EPHA7: variants seen among roughly 807,000 people sequenced by gnomAD.
The protein encoded by EPHA7 is ephrin type-A receptor 7.
A neutral mutation model predicts 112.6 loss-of-function variants in EPHA7; 25 were observed. The ratio of observed to expected loss-of-function variants is 0.22; its 90% CI spans 0.16 to 0.31. EPHA7 has a LOEUF of 0.31. Among genes scored for constraint, EPHA7 ranks in the 10% least tolerant of loss-of-function variants. EPHA7 has a pLI of 1.00. For synonymous variants in EPHA7, 437 were observed against 406.5 expected (o/e 1.07, Z -0.90); for missense variants, 962 against 1,212.6 (o/e 0.79, Z 3.07).
At chr6:93,331,486 C>T (rs1774591780) in intron 5 of EPHA7, among the ~76,000 whole-genome samples, 1 of 150,894 alleles carries the variant, frequency 6.6e-6, no homozygotes, top group South Asian at 2.1e-4. Context: ...AAAAACCAAA[C>T]CTAGACATGA....
intron 3 of EPHA7, among the ~76,000 whole-genome samples, chr6:93,406,239 A>C (rs2127991939): frequency 6.6e-6 from 1 of 151,820 alleles, no homozygotes; most frequent in African/African-American, 2.4e-5. Context: ...CAAGTAAATC[A>C]CATTTCTATA....
chr6:93,321,744 A>G (rs910589276), intron 5 of EPHA7, among the ~76,000 whole-genome samples: 2 of 151,848 alleles, frequency 1.3e-5, no homozygotes, highest in Admixed American at 1.3e-4. Context: ...ACACAACTCC[A>G]CACTGCATCA....
intron 5 of EPHA7, among the ~76,000 whole-genome samples, chr6:93,336,934 C>A (rs756490809): frequency 6.6e-6 from 1 of 150,748 alleles, no homozygotes; most frequent in South Asian, 2.1e-4. Flanking sequence ...TATCAGCCAA[C>A]CTATTCCTTT....
intron 7 of EPHA7, among the ~76,000 whole-genome samples, chr6:93,265,396 C>T (rs566807350): frequency 6.6e-6 from 1 of 151,768 alleles, no homozygotes; most frequent in Admixed American, 6.6e-5. Context: ...CTATACAATA[C>T]TAAATAATTC....
intron 5 of EPHA7, among the ~76,000 whole-genome samples, chr6:93,323,718 C>T (rs557269803): frequency 6.6e-6 from 1 of 151,536 alleles, no homozygotes; most frequent in Admixed American, 6.6e-5. Flanking sequence ...ACTGATCATA[C>T]TGGCTTTCAT....
intron 3 of EPHA7, among the ~76,000 whole-genome samples, chr6:93,398,014 C>G (rs1380326389): frequency 6.6e-6 from 1 of 151,802 alleles, no homozygotes; most frequent in East Asian, 1.9e-4. Context: ...TAGTTTTTGT[C>G]TCTGCAACAG....
intron 5 of EPHA7, among the ~76,000 whole-genome samples, chr6:93,322,357 T>C (rs1284651220): frequency 1.3e-5 from 2 of 151,718 alleles, no homozygotes; most frequent in African/African-American, 4.8e-5. Context: ...AACAAAAACT[T>C]AGAGGGAAAT....
chr6:93,390,472 T>C (rs1237210498), intron 3 of EPHA7, among the ~76,000 whole-genome samples: 2 of 151,642 alleles, frequency 1.3e-5, no homozygotes, highest in African/African-American at 4.8e-5. Context: ...ATTGTGTTTA[T>C]GTAAGAGAAC....
intron 14 of EPHA7, among the ~76,000 whole-genome samples, chr6:93,247,586 A>G (rs1770011210): frequency 6.6e-6 from 1 of 152,232 alleles, no homozygotes; most frequent in African/African-American, 2.4e-5. Flanking sequence ...AAGTTCCCTT[A>G]CCTTACACTG....
At position 93,254,726 on chromosome 6, in the gene EPHA7, T is replaced by A. The variant is rs1433933397; in HGVS notation, c.2453A>T (p.Asp818Val). Reference sequence around the variant, plus strand: ...CATGACTATTCCATAGCTCCATACATCACTGGCTGATGTGAATTTCCGGTA... The same window carrying A: ...CATGACTATTCCATAGCTCCATACAACACTGGCTGATGTGAATTTCCGGTA... ...IQYRKFTSAS[D>V]VWSYGIVMWE... Residue 818 changes from aspartate (D) to valine (V), a missense_variant, in exon 14 of 17, where the codon GAT becomes GTT. Around this residue, in one of 3 missense-constraint regions of EPHA7, gnomAD observed 746 missense variants for 889.2 expected, o/e 0.84. Transcript: ENST00000369303. 1 of 1,613,756 alleles carries A rather than the reference T, an allele frequency of 6.2e-7. No homozygotes were observed. Among genetic ancestry groups the A allele is most frequent in the Admixed American group, 1.7e-5 (1 of 60,006 alleles).
chr6:93,320,402 T>C (rs1207579922), intron 5 of EPHA7, among the ~76,000 whole-genome samples: 1 of 152,052 alleles, frequency 6.6e-6, no homozygotes, highest in Non-Finnish European at 1.5e-5. Context: ...AAATTAACAT[T>C]ACATTACAAT....
At chr6:93,360,860 C>G (rs564102343) in intron 3 of EPHA7, among the ~76,000 whole-genome samples, 1 of 152,120 alleles carries the variant, frequency 6.6e-6, no homozygotes, top group Non-Finnish European at 1.5e-5. Context: ...ACTACTGACA[C>G]TCAGCCTTAT....
intron 5 of EPHA7, among the ~76,000 whole-genome samples, chr6:93,346,947 C>T (rs1159361925): frequency 1.2e-4 from 18 of 151,710 alleles, no homozygotes; most frequent in Non-Finnish European, 1.8e-4. Context: ...ACTACATAAA[C>T]TCGCAATTGC....
At chr6:93,282,976 G>C (rs377089108) in intron 5 of EPHA7, among the ~76,000 whole-genome samples, 2 of 152,314 alleles carry the variant, frequency 1.3e-5, no homozygotes, top group Admixed American at 6.5e-5. Context: ...GACCACCCAA[G>C]GGCTGAGGAG....
intron 5 of EPHA7, among the ~76,000 whole-genome samples, chr6:93,335,477 A>G (rs1295713820): frequency 6.6e-6 from 1 of 152,044 alleles, no homozygotes; most frequent in Non-Finnish European, 1.5e-5. Context: ...TCTCAGTATC[A>G]TTAAGGACAT....
chr6:93,299,363 A>T (rs1772850269), intron 5 of EPHA7, among the ~76,000 whole-genome samples: 1 of 151,632 alleles, frequency 6.6e-6, no homozygotes, highest in African/African-American at 2.4e-5. Flanking sequence ...TAAAGAAAAA[A>T]AAAAGAAGAA....
chr6:93,313,876 C>T (rs1773659629), intron 5 of EPHA7, among the ~76,000 whole-genome samples: 1 of 152,010 alleles, frequency 6.6e-6, no homozygotes, highest in South Asian at 2.1e-4. Context: ...AGTACCATGG[C>T]CTAGTACTAA....
intron 14 of EPHA7, among the ~76,000 whole-genome samples, chr6:93,253,469 T>TGA (rs1770305689): frequency 6.6e-6 from 1 of 152,056 alleles, no homozygotes; most frequent in Admixed American, 6.6e-5. Context: ...TAAATGTTAG[T>TGA]TGTCTAAAAA....
Position 93,352,215 on chromosome 6 carries a change from C to A in EPHA7, c.1324+4502G>T, listed in dbSNP as rs571796628. ...TCATTTATTTCCCTTTGAGGAGAGA[C>A]CACATATTACAATTGCTTAAATAAT... On this transcript the variant is annotated intron_variant, in intron 5 of 16. Transcript: ENST00000369303. 3.3e-5 allele frequency among the ~76,000 whole-genome samples: 5 copies of A among 152,078 alleles called. No homozygotes were observed. The East Asian group carries it at 9.7e-4, about 29-fold the overall frequency.
Sources: allele counts gnomAD v4.1 joint callset (sites outside exome capture counted in the v4.1 genomes callset), GRCh38; gene constraint gnomAD v4.1.1; regional missense constraint gnomAD v4.1.1; transcripts MANE v1.5; gene names NCBI Gene and HGNC (gene_info 2026-07-23, HGNC 2026-07-21).